The following HYDIN variants were observed in gnomAD, a reference collection of about 807,000 sequenced individuals.
HYDIN encodes HYDIN axonemal central pair apparatus protein.
HYDIN carries 132 observed loss-of-function variants against 403.9 expected under a neutral mutation model. That is an observed-to-expected ratio of 0.33 (90% CI 0.28 to 0.38). The LOEUF (loss-of-function observed/expected upper bound fraction) is 0.38, where lower values mean the gene tolerates loss of function less well. Ranked by LOEUF, HYDIN falls within the 10% of genes least tolerant of loss-of-function variation. The probability of loss-of-function intolerance (pLI) is 1.00; values close to 1 mark genes in which losing one functional copy is unlikely to be tolerated. For synonymous variants in HYDIN, 1,202 were observed against 1,891.7 expected (o/e 0.64, Z 9.46); for missense variants, 2,827 against 5,009.5 (o/e 0.56, Z 13.15).
At chr16:71,173,940 G>A (rs556658368) in intron 5 of HYDIN, among the ~76,000 whole-genome samples, 1 of 152,246 alleles carries the variant, frequency 6.6e-6, no homozygotes, top group Admixed American at 6.5e-5. Context: ...ATTTCAAGCT[G>A]CACAAAGGAT....
In HYDIN at chr16:70,808,042, G is replaced by C. The variant is rs76780549; in HGVS notation, c.14904C>G (p.His4968Gln). Reference protein sequence around the residue: ...YYCRTDCTDFHAEKLINAAPG... With the variant: ...YYCRTDCTDFQAEKLINAAPG... Reference sequence around the variant, plus strand: ...GGGCTGCATTAATGAGTTTTTCTGCGTGGAAGTCTGTACAGTCGGTCTGAA... The same window carrying C: ...GGGCTGCATTAATGAGTTTTTCTGCCTGGAAGTCTGTACAGTCGGTCTGAA... The change falls in exon 86 of 86, where the codon CAC (histidine) becomes CAG (glutamine). Residue 4968 changes from histidine to glutamine, a missense_variant. By Grantham distance (24) the His-to-Gln change is conservative. Coordinates refer to ENST00000393567, the MANE Select transcript of HYDIN (RefSeq NM_001270974.2). The C allele has an allele frequency of 6.2e-7, 1 of 1,611,952 alleles. No homozygotes were observed. The highest frequency in any genetic ancestry group is 2.2e-5 in the East Asian group (1 of 44,846).
chr16:71,048,427 T>A (rs368304897), intron 18 of HYDIN, among the ~76,000 whole-genome samples: 3 of 127,914 alleles, frequency 2.3e-5, no homozygotes, highest in African/African-American at 8.2e-5. Context: ...TTATTTTCAA[T>A]AGTAGCTGTA....
chr16:71,174,670 C>A (rs1300063720), intron 5 of HYDIN, among the ~76,000 whole-genome samples: 12 of 152,094 alleles, frequency 7.9e-5, no homozygotes, highest in Admixed American at 5.2e-4. Flanking sequence ...CATACCTGCT[C>A]CTTCTCTCCT....
Position 70,857,828 on chromosome 16 carries a change from A to C in HYDIN, c.12172T>G (p.Ser4058Ala). Residue 4058 changes from serine to alanine, a missense_variant, in exon 72 of 86, where the codon TCA (serine) becomes GCA (alanine). Ser to Ala is a moderately conservative substitution (Grantham distance 99). Transcript: ENST00000393567. ...FTPFHLGITE[S>A]SWTFLIPEHN... ...TCGGGAATTAGGAAGGTCCATGATG[A>C]CTCAGTGATGCCCAGATGGAAAGGT... 1.2e-6 allele frequency: 2 copies of C among 1,612,136 alleles called. No homozygotes were observed. Among genetic ancestry groups the C allele is most frequent in the Non-Finnish European group, 1.7e-6 (2 of 1,179,416 alleles).
chr16:71,016,357 T>C (rs1030029609), intron 23 of HYDIN, among the ~76,000 whole-genome samples: 15 of 151,804 alleles, frequency 9.9e-5, no homozygotes, highest in African/African-American at 3.6e-4. Context: ...TGACAACAGG[T>C]ATAGAAAAGA....
At position 70,804,415 on chromosome 16, in the gene HYDIN, G is replaced by A. The variant is rs576463853; in HGVS notation, c.*3165C>T. Among the ~76,000 whole-genome samples the A allele has an allele frequency of 5.9e-5, 9 of 152,312 alleles. No individual in the cohort carries two copies. Among genetic ancestry groups the A allele is most frequent in the Admixed American group, 2.0e-4 (3 of 15,306 alleles). On this transcript the variant is annotated 3_prime_UTR_variant, in exon 86 of 86. Coordinates refer to ENST00000393567, the MANE Select transcript of HYDIN (RefSeq NM_001270974.2). ...GAGGAGACCCTCAAATCCATCTCCC[G>A]GAAGAGTTCTGGACTGGGGTTTTTA... is the stretch of plus-strand genomic sequence containing the variant.
chr16:71,022,933 A>T (rs1319059679), intron 21 of HYDIN, among the ~76,000 whole-genome samples: 5 of 151,984 alleles, frequency 3.3e-5, no homozygotes, highest in African/African-American at 1.2e-4. Context: ...GAAGAAAAAG[A>T]GCACTACCCA....
intron 63 of HYDIN, 70 bp downstream of exon 63, chr16:70,874,747 C>T (rs1448798727): frequency 6.6e-7 from 1 of 1,521,000 alleles, no homozygotes; most frequent in Admixed American, 2.1e-5. Context: ...CTGGCTGGGC[C>T]TTGAGTGGTC....
At chr16:71,116,286 G>T (rs2084028341) in intron 9 of HYDIN, among the ~76,000 whole-genome samples, 1 of 148,642 alleles carries the variant, frequency 6.7e-6, no homozygotes, top group Non-Finnish European at 1.5e-5. Flanking sequence ...AGATCATGTG[G>T]TATTTGTCTT....
intron 70 of HYDIN, 57 bp downstream of exon 70, chr16:70,860,632 T>C (rs1353268182): frequency 4.1e-6 from 2 of 484,882 alleles, no homozygotes; most frequent in Admixed American, 7.6e-5. Context: ...ATCTGAATTC[T>C]TTTAGAGTTC....
In HYDIN at chr16:71,124,246, A is replaced by C. The variant is rs144225741; in HGVS notation, c.1227+5394T>G. Among the ~76,000 whole-genome samples the C allele has an allele frequency of 0.016, 2,402 of 152,300 alleles. 142 individuals are homozygous for C. In the East Asian group the frequency reaches 0.16, roughly 10 times the overall value. Reference sequence around the variant, plus strand: ...AAATGATGAGCATGATGAGAAGGTGACGGAAGGGACACAACCTGCGGCCAC... The same window carrying C: ...AAATGATGAGCATGATGAGAAGGTGCCGGAAGGGACACAACCTGCGGCCAC... On this transcript the variant is annotated intron_variant, in intron 9 of 85. Coordinates refer to ENST00000393567, the MANE Select transcript of HYDIN (RefSeq NM_001270974.2).
intron 37 of HYDIN, among the ~76,000 whole-genome samples, chr16:70,963,327 C>T (rs2078477057): frequency 6.8e-6 from 1 of 147,374 alleles, no homozygotes; most frequent in Admixed American, 6.8e-5. Context: ...TGTGGAAGTC[C>T]TAACACCCGA....
chr16:71,005,615 A>T (rs2079868795), intron 23 of HYDIN, among the ~76,000 whole-genome samples: 2 of 152,250 alleles, frequency 1.3e-5, no homozygotes, highest in African/African-American at 4.8e-5. Flanking sequence ...AATACATTAC[A>T]CTTAAGTGTA....
chr16:71,102,381 G>T (rs2083483293), intron 10 of HYDIN, among the ~76,000 whole-genome samples: 4 of 152,114 alleles, frequency 2.6e-5, no homozygotes, highest in Admixed American at 2.0e-4. Flanking sequence ...TTGCTGAAAT[G>T]TTAACTAATA....
chr16:70,962,936 T>A (rs2078463666), intron 37 of HYDIN, among the ~76,000 whole-genome samples: 1 of 150,778 alleles, frequency 6.6e-6, no homozygotes, highest in African/African-American at 2.5e-5. Context: ...AAGCAGGGCG[T>A]GTGCCTTTCT....
At chr16:71,063,688 A>G (rs966101037) in intron 16 of HYDIN, among the ~76,000 whole-genome samples, 3 of 151,938 alleles carry the variant, frequency 2.0e-5, no homozygotes, top group African/African-American at 4.8e-5. Context: ...GAACCATTCT[A>G]TTTCTCTCTT....
intron 18 of HYDIN, among the ~76,000 whole-genome samples, chr16:71,040,057 G>A (rs1377040131): frequency 6.6e-6 from 1 of 151,320 alleles, no homozygotes; most frequent in Admixed American, 6.6e-5. Context: ...CATGTAGTTT[G>A]CTCCTGCTGG....
At chr16:71,066,623 C>A in intron 15 of HYDIN, 1 of 261,044 alleles carries the variant, frequency 3.8e-6, no homozygotes, top group Non-Finnish European at 7.7e-6. Context: ...TTTGGGATCA[C>A]ATCATCATTA....
chr16:71,061,505 A>G (rs1198296725), intron 17 of HYDIN, among the ~76,000 whole-genome samples: 1 of 152,220 alleles, frequency 6.6e-6, no homozygotes, highest in African/African-American at 2.4e-5. Flanking sequence ...TTATCCTTCA[A>G]CTCAGCCTAA....
Sources: allele counts gnomAD v4.1 joint callset (sites outside exome capture counted in the v4.1 genomes callset), GRCh38; gene constraint gnomAD v4.1.1; transcripts MANE v1.5; gene names NCBI Gene and HGNC (gene_info 2026-07-23, HGNC 2026-07-21).